RBM44: variants seen among roughly 807,000 people sequenced by gnomAD.
RBM44 encodes RNA-binding protein 44.
Under a neutral mutation model 105.1 loss-of-function variants are expected in RBM44, and 66 were observed. The observed-to-expected ratio is 0.63, with a 90% confidence interval of 0.52 to 0.77. The LOEUF is 0.77. Among genes scored for constraint, RBM44 ranks in the 30% least tolerant of loss-of-function variants. The pLI, the probability that RBM44 is intolerant of heterozygous loss-of-function variation, is 0.00. For missense variants in RBM44, 1,122 were observed against 1,207.8 expected, an observed-to-expected ratio of 0.93 and a Z score of 1.05; for synonymous variants, 365 against 417.6, an observed-to-expected ratio of 0.87 and a Z score of 1.54.
chr2:237,800,158 G>A (rs1338139241), intron 1 of RBM44, among the ~76,000 whole-genome samples: 5 of 151,514 alleles, frequency 3.3e-5, no homozygotes, highest in Non-Finnish European at 1.5e-5. Context: ...TACTGTTATT[G>A]TTATTGTCAT....
At position 237,818,063 on chromosome 2, in the gene RBM44, A is replaced by C. The variant is rs563745647; in HGVS notation, c.1144A>C (p.Thr382Pro). 1 of 1,612,798 alleles carries C rather than the reference A, an allele frequency of 6.2e-7. No homozygotes were observed. The highest frequency in any genetic ancestry group is 1.1e-5 in the South Asian group (1 of 91,042). Residue 382 changes from threonine (T) to proline (P), a missense_variant, in exon 3 of 16, where the codon ACC (threonine) becomes CCC (proline). Physicochemically the swap from Thr to Pro is conservative, Grantham distance 38. Transcript: ENST00000316997. The surrounding 1 kb of genome is among the most constrained non-coding windows in gnomAD (Gnocchi z 4.6). ...QPCKDCQTSW[T>P]SVFDDSIISA... ...CTGTAAAGATTGTCAAACTTCCTGG[A>C]CCTCTGTTTTTGATGATTCGATAAT...
intron 1 of RBM44, among the ~76,000 whole-genome samples, chr2:237,805,133 C>G (rs2061585881): frequency 6.6e-6 from 1 of 152,178 alleles, no homozygotes. Context: ...TGATAAACAC[C>G]TTCTGAAAAG....
At chr2:237,829,195 G>T in intron 12 of RBM44, 22 bp from the exon 13 acceptor site, 1 of 1,567,810 alleles carries the variant, frequency 6.4e-7, no homozygotes, top group Non-Finnish European at 8.6e-7. Context: ...CAACCTTTTG[G>T]TTTTCTGCTC....
At chr2:237,832,156 CTT>C (rs1298405099) in intron 13 of RBM44, among the ~76,000 whole-genome samples, 64 of 140,052 alleles carry the variant, frequency 4.6e-4, no homozygotes, top group Middle Eastern at 3.6e-3. Context: ...TAATTTCAGT[CTT>C]TTTTTTTTTT....
Position 237,829,557 on chromosome 2 carries a change from G to T in RBM44, c.2886+55G>T. ...GTCTTTGTACGTCATATTGCTGTAA[G>T]TAGCTTTGTAGAATAAATAACTTCA... On this transcript the variant is annotated intron_variant, in intron 13 of 15. Transcript: ENST00000316997. 5 of 1,421,312 alleles carry T rather than the reference G, an allele frequency of 3.5e-6. No individual in the cohort carries two copies. In the South Asian group the frequency reaches 6.7e-5, roughly 19 times the overall value. 88.0% of individuals were successfully genotyped at this position (1,421,312 alleles called of 1,614,324 possible). A position where few individuals can be genotyped will look rare whatever the true frequency, so the allele number is the denominator to read the frequency against.
chr2:237,823,737 A>G (rs569889021), intron 9 of RBM44, among the ~76,000 whole-genome samples, 183 bp downstream of exon 9: 1 of 152,316 alleles, frequency 6.6e-6, no homozygotes, highest in South Asian at 2.1e-4. Context: ...GTTGCCTAAT[A>G]TAGCTGACAA....
Position 237,803,305 on chromosome 2 carries a change from ACACACACACACACATACTCTCTCTCT to A in RBM44, c.-19+4463_-19+4488del, listed in dbSNP as rs1459001811. ...CTGTCTCTGGGTGACAGAGCGAGAC[ACACACACACACACATACTCTCTCTCT>A]CACACACACACACATACTTTCTCTC... On this transcript the variant is annotated intron_variant, in intron 1 of 15. Coordinates refer to ENST00000316997, the MANE Select transcript of RBM44 (RefSeq NM_001080504.3). The surrounding 1 kb of genome is among the most constrained non-coding windows in gnomAD (Gnocchi z 4.2). Among the ~76,000 whole-genome samples the A allele has an allele frequency of 1.3e-5, 2 of 150,676 alleles. No homozygotes were observed. Among genetic ancestry groups the A allele is most frequent in the Admixed American group, 6.6e-5 (1 of 15,138 alleles).
intron 1 of RBM44, among the ~76,000 whole-genome samples, chr2:237,802,293 G>A (rs2061553041): frequency 6.6e-6 from 1 of 152,206 alleles, no homozygotes; most frequent in African/African-American, 2.4e-5. Flanking sequence ...CTTCCTGTCA[G>A]ATCAGCAGCA....
intron 15 of RBM44, among the ~76,000 whole-genome samples, chr2:237,840,885 C>T (rs2062005915): frequency 6.6e-6 from 1 of 152,102 alleles, no homozygotes; most frequent in Non-Finnish European, 1.5e-5. Context: ...TTATACCACC[C>T]AGAATGGCTA....
intron 15 of RBM44, among the ~76,000 whole-genome samples, chr2:237,835,031 T>G (rs1021432789): frequency 6.6e-6 from 1 of 152,232 alleles, no homozygotes; most frequent in African/African-American, 2.4e-5. Context: ...CAACAATGTT[T>G]ACCCACTTTG....
rs149660383 is a variant in RBM44, at chr2:237,818,674, G to A, written c.1677+78G>A. ...ATGCTAATGTAAGTGTTTTTGGTTC[G>A]TTGAATTAAGGCTTTTGTGAGAAGA... On this transcript the variant is annotated intron_variant, in intron 3 of 15. Transcript: ENST00000316997. The surrounding 1 kb of genome is among the most constrained non-coding windows in gnomAD (Gnocchi z 4.6). The A allele has an allele frequency of 3.7e-5, 37 of 1,005,114 alleles. No homozygotes were observed. Among genetic ancestry groups the A allele is most frequent in the East Asian group, 8.0e-5 (3 of 37,384 alleles). The allele number at this position is 1,005,114 out of a possible 1,614,324, so 62.3% of individuals were successfully genotyped here. A position where few individuals can be genotyped will look rare whatever the true frequency, so the allele number is the denominator to read the frequency against.
In RBM44 at chr2:237,841,310, T is replaced by G. The variant is rs1056539424; in HGVS notation, c.*23-529T>G. ...GAGGCCGTTATCCTAAGCAAACTAA[T>G]GCAGGAACAGAAAACCAAATACCAC... On this transcript the variant is annotated intron_variant, in intron 15 of 15. Coordinates refer to ENST00000316997, the MANE Select transcript of RBM44 (RefSeq NM_001080504.3). The surrounding 1 kb of genome is among the most constrained non-coding windows in gnomAD (Gnocchi z 4.5). 1.3e-5 allele frequency among the ~76,000 whole-genome samples: 2 copies of G among 152,164 alleles called. No homozygotes were observed. The highest frequency in any genetic ancestry group is 2.9e-5 in the Non-Finnish European group (2 of 68,028).
In RBM44 at chr2:237,821,808, TA is replaced by T; in HGVS notation, c.2192del (p.Lys731ArgfsTer31). On this transcript the variant is annotated frameshift_variant, in exon 8 of 16. Transcript: ENST00000316997. LOFTEE classifies it high-confidence loss of function. The part of the protein sequence containing the change: ...RAHDVDVSSN[L>X]KKTLSQMSLS... ...CATGATGTTGATGTTTCTTCAAACC[TA>T]AAAAAGACACTCTCTCAAGTAAGGG... The T allele has an allele frequency of 6.2e-7, 1 of 1,608,314 alleles. No homozygotes were observed. Among genetic ancestry groups the T allele is most frequent in the Non-Finnish European group, 8.5e-7 (1 of 1,175,686 alleles).
At chr2:237,811,863 A>G (rs1356314489) in intron 1 of RBM44, among the ~76,000 whole-genome samples, 2 of 151,718 alleles carry the variant, frequency 1.3e-5, no homozygotes, top group Non-Finnish European at 2.9e-5. Context: ...CTTGTCTTTT[A>G]TCTACTTTTT....
In RBM44 at chr2:237,818,434, A is replaced by G. The variant is rs777148706; in HGVS notation, c.1515A>G (p.Lys505=). The G allele has an allele frequency of 1.2e-6, 2 of 1,613,072 alleles. No individual in the cohort carries two copies. The highest frequency in any genetic ancestry group is 1.3e-5 in the African/African-American group (1 of 74,884). ...SNTEITMMNK[K]RPDEWQNEKQ... ...CAGAGATAACAATGATGAATAAAAA[A>G]CGACCTGATGAATGGCAAAATGAGA... Residue 505 remains lysine (K), a synonymous_variant, in exon 3 of 16, where the codon AAA becomes AAG. Coordinates refer to ENST00000316997, the MANE Select transcript of RBM44 (RefSeq NM_001080504.3). This position sits in a 1 kb window ranked among gnomAD's most constrained non-coding sequence, Gnocchi z 4.6.
At chr2:237,799,494 A>G (rs4663790) in intron 1 of RBM44, 2 of 152,090 alleles carry the variant, frequency 1.3e-5, no homozygotes, top group East Asian at 1.9e-4. Context: ...CGGGGTTTCA[A>G]CGTGTTAGCC....
intron 15 of RBM44, among the ~76,000 whole-genome samples, chr2:237,839,815 C>T (rs948552970): frequency 1.3e-5 from 2 of 152,056 alleles, no homozygotes; most frequent in Non-Finnish European, 2.9e-5. Context: ...AGAACTTGAA[C>T]ATCAAAGGAC....
chr2:237,800,462 T>C (rs935421382), intron 1 of RBM44, among the ~76,000 whole-genome samples: 4 of 152,230 alleles, frequency 2.6e-5, no homozygotes, highest in African/African-American at 9.6e-5. Flanking sequence ...TATTTAAGAA[T>C]GAAGCTTGCA....
At chr2:237,800,840 G>T (rs1214290870) in intron 1 of RBM44, among the ~76,000 whole-genome samples, 1 of 151,452 alleles carries the variant, frequency 6.6e-6, no homozygotes, top group Admixed American at 6.6e-5. Context: ...GATTCTCCTG[G>T]CTCAGCCTCC....
Sources: gnomAD v4.1 joint callset for allele counts (sites outside exome capture counted in the v4.1 genomes callset) on GRCh38, gnomAD v4.1.1 for gene constraint, Gnocchi (gnomAD v3.1) non-coding constraint, MANE v1.5 for transcripts, NCBI Gene and HGNC (gene_info 2026-07-23, HGNC 2026-07-21) for gene names.